The following NBEA variants were observed in gnomAD, a reference collection of about 807,000 sequenced individuals.
The protein encoded by NBEA is neurobeachin, also known as lysosomal-trafficking regulator 2.
In NBEA, 44 loss-of-function variants were observed where a neutral mutation model predicts 343.4. That is an observed-to-expected ratio of 0.13 (90% CI 0.10 to 0.16). The LOEUF is 0.16. NBEA is among the 10% of genes least tolerant of loss of function. The probability of loss-of-function intolerance (pLI) is 1.00; values close to 1 mark genes in which losing one functional copy is unlikely to be tolerated. For missense variants in NBEA, 2,555 were observed against 3,631.3 expected (o/e 0.70, Z 7.62); for synonymous variants, 1,175 against 1,238.7 (o/e 0.95, Z 1.08).
At chr13:35,207,185 A>G (rs1162631184) in intron 31 of NBEA, among the ~76,000 whole-genome samples, 1 of 152,108 alleles carries the variant, frequency 6.6e-6, no homozygotes, top group African/African-American at 2.4e-5. Flanking sequence ...GATTATTAAC[A>G]TTAAAGAAGT....
intron 17 of NBEA, among the ~76,000 whole-genome samples, chr13:35,128,114 T>C (rs369498115): frequency 6.1e-5 from 9 of 146,938 alleles, no homozygotes; most frequent in Non-Finnish European, 9.0e-5. Context: ...AGGGATGGCA[T>C]TGGGAGATAC....
chr13:35,112,271 C>T (rs1201038537), intron 13 of NBEA, among the ~76,000 whole-genome samples: 1 of 151,758 alleles, frequency 6.6e-6, no homozygotes, highest in East Asian at 1.9e-4. Context: ...TTGTTTTGTC[C>T]TTTTATGGCT....
At chr13:35,123,237 T>C (rs2066899133) in intron 16 of NBEA, among the ~76,000 whole-genome samples, 1 of 152,172 alleles carries the variant, frequency 6.6e-6, no homozygotes, top group African/African-American at 2.4e-5. Flanking sequence ...CATGTGTTAG[T>C]ATGTTGGGAG....
chr13:35,250,099 G>A (rs2031774250), intron 34 of NBEA, among the ~76,000 whole-genome samples: 1 of 152,108 alleles, frequency 6.6e-6, no homozygotes, highest in Non-Finnish European at 1.5e-5. Flanking sequence ...GTTGTTTAAT[G>A]GGGTATAGAG....
intron 18 of NBEA, among the ~76,000 whole-genome samples, chr13:35,153,234 C>T (rs1000266982): frequency 1.3e-5 from 2 of 151,792 alleles, no homozygotes; most frequent in South Asian, 2.1e-4. Flanking sequence ...AGGGTTTCAC[C>T]GTGTTAGCCA....
chr13:35,310,900 T>TA (rs1217847473), intron 36 of NBEA, among the ~76,000 whole-genome samples: 2 of 152,228 alleles, frequency 1.3e-5, no homozygotes, highest in African/African-American at 4.8e-5. Flanking sequence ...ACCCAATTTT[T>TA]AAAAATTAAA....
At chr13:35,479,835 T>C (rs995757248) in intron 41 of NBEA, among the ~76,000 whole-genome samples, 2 of 152,110 alleles carry the variant, frequency 1.3e-5, no homozygotes, top group African/African-American at 4.8e-5. Context: ...ACTTAATTGT[T>C]TTCAGTGGTA....
At chr13:35,500,842 G>A (rs1182691684) in intron 41 of NBEA, among the ~76,000 whole-genome samples, 1 of 151,720 alleles carries the variant, frequency 6.6e-6, no homozygotes. Context: ...CAGGAAAACA[G>A]AGTTCACTAT....
chr13:34,975,242 G>A (rs1439697488), intron 1 of NBEA, among the ~76,000 whole-genome samples: 3 of 152,134 alleles, frequency 2.0e-5, no homozygotes, highest in African/African-American at 7.2e-5. Context: ...CACCAAAATA[G>A]CATGGTACTG....
intron 30 of NBEA, chr13:35,185,617 T>C (rs1030283606): frequency 6.6e-6 from 1 of 152,160 alleles, no homozygotes; most frequent in African/African-American, 2.4e-5. Context: ...TATCCGGTTG[T>C]ATCTGCCCAG....
intron 11 of NBEA, among the ~76,000 whole-genome samples, chr13:35,100,338 T>A (rs1335011111): frequency 3.3e-5 from 5 of 152,066 alleles, no homozygotes; most frequent in Non-Finnish European, 5.9e-5. Context: ...GATTGATCAT[T>A]GGTAGCATTT....
chr13:35,246,805 G>A (rs2031268409), intron 34 of NBEA, among the ~76,000 whole-genome samples: 1 of 152,152 alleles, frequency 6.6e-6, no homozygotes, highest in Admixed American at 6.5e-5. Context: ...GATAGTATAG[G>A]GAGGATCAGG....
At chr13:35,561,924 T>G (rs1368572172) in intron 44 of NBEA, among the ~76,000 whole-genome samples, 1 of 152,142 alleles carries the variant, frequency 6.6e-6, no homozygotes, top group African/African-American at 2.4e-5. Context: ...TTTATAAATT[T>G]AATGAATGTT....
At chr13:35,518,390 A>G (rs1259502136) in intron 41 of NBEA, among the ~76,000 whole-genome samples, 1 of 152,242 alleles carries the variant, frequency 6.6e-6, no homozygotes, top group African/African-American at 2.4e-5. Flanking sequence ...AGTCAAAGGT[A>G]CTTTTTCCAA....
intron 35 of NBEA, among the ~76,000 whole-genome samples, chr13:35,304,228 C>T (rs2036734404): frequency 6.6e-6 from 1 of 152,094 alleles, no homozygotes; most frequent in Admixed American, 6.6e-5. Context: ...AAAAGAGCAA[C>T]TCAGGCCTTC....
At chr13:35,323,458 C>G (rs1056692913) in intron 36 of NBEA, among the ~76,000 whole-genome samples, 1 of 150,910 alleles carries the variant, frequency 6.6e-6, no homozygotes, top group East Asian at 2.0e-4. Flanking sequence ...AGTAAACTAT[C>G]GCAAGAACAA....
chr13:35,332,944 C>T (rs1327174535), intron 36 of NBEA, among the ~76,000 whole-genome samples: 2 of 152,040 alleles, frequency 1.3e-5, no homozygotes, highest in African/African-American at 4.8e-5. Context: ...AAGGAATTCC[C>T]TCAGTATATG....
In NBEA at chr13:35,671,389, G is replaced by GAA. The variant is rs35377813; in HGVS notation, c.*412_*413dup. On this transcript the variant is annotated 3_prime_UTR_variant, in exon 59 of 59. Coordinates refer to ENST00000379939, the MANE Select transcript of NBEA (RefSeq NM_001385012.1). ...CATTTCCAGCCTCTTTTCAAGCTGA[G>GAA]AAAAAAAAAAAAAAACACGTTTGAT... 11 of 113,854 alleles carry GAA rather than the reference G, an allele frequency of 9.7e-5. No homozygotes were observed. Among genetic ancestry groups the GAA allele is most frequent in the East Asian group, 7.3e-4 (3 of 4,114 alleles). The allele number at this position is 113,854 out of a possible 1,614,324, so 7.1% of individuals were successfully genotyped here.
rs748936201 is a variant in NBEA at position 35,056,082 on chromosome 13, C to G, written c.1045C>G (p.Gln349Glu). The G allele has an allele frequency of 6.2e-7, 1 of 1,606,276 alleles. No individual in the cohort carries two copies. The highest frequency in any genetic ancestry group is 1.1e-5 in the South Asian group (1 of 89,422). The change falls in exon 7 of 59, where the codon CAA (glutamine) becomes GAA (glutamate). Residue 349 changes from glutamine to glutamate, a missense_variant. Physicochemically the swap from Gln to Glu is conservative, Grantham distance 29. Around this residue, in one of 21 missense-constraint regions of NBEA, gnomAD observed 75 missense variants for 237.4 expected, o/e 0.32. Transcript: ENST00000379939. ...NSEIRCYVNG[Q>E]LVSYGDMAWH... Reference sequence around the variant, plus strand: ...TGAAATTCGGTGTTATGTTAATGGACAACTGGTATCTTATGGTGATATGGC... The same window carrying G: ...TGAAATTCGGTGTTATGTTAATGGAGAACTGGTATCTTATGGTGATATGGC...
Sources: allele counts gnomAD v4.1 joint callset (sites outside exome capture counted in the v4.1 genomes callset), GRCh38; gene constraint gnomAD v4.1.1; regional missense constraint gnomAD v4.1.1; transcripts MANE v1.5; gene names NCBI Gene and HGNC (gene_info 2026-07-23, HGNC 2026-07-21).